PPM1L: variants seen among roughly 807,000 people sequenced by gnomAD.
PPM1L encodes the protein protein phosphatase 1L.
Under a neutral mutation model 31.4 loss-of-function variants are expected in PPM1L, and 13 were observed. The observed-to-expected ratio is 0.41, with a 90% CI of 0.27 to 0.66. PPM1L has a LOEUF of 0.66. PPM1L is among the 30% of genes least tolerant of loss of function. The pLI is 0.29. For synonymous variants in PPM1L, 184 were observed against 175.4 expected (o/e 1.05, Z -0.39); for missense variants, 326 against 453.7 (o/e 0.72, Z 2.56).
chr3:160,958,609 A>G (rs1255568159), intron 1 of PPM1L, among the ~76,000 whole-genome samples: 2 of 152,208 alleles, frequency 1.3e-5, no homozygotes, highest in Non-Finnish European at 2.9e-5. Context: ...ACAATTATAT[A>G]TGTTGCACAA....
intron 1 of PPM1L, among the ~76,000 whole-genome samples, chr3:160,798,958 A>G (rs1023274990): frequency 6.6e-6 from 1 of 152,200 alleles, no homozygotes; most frequent in Non-Finnish European, 1.5e-5. Context: ...GTTGATTCCA[A>G]CCTTCATGGA....
chr3:160,834,864 G>A lies in PPM1L; in HGVS notation c.399+78157G>A, dbSNP rs376228197. ...ACATTTGGGATATTTCTAGTGTTGG[G>A]TTATTATGAATAATGCTGTCATGAA... is the stretch of plus-strand genomic sequence containing the variant. On this transcript the variant is annotated intron_variant, in intron 1 of 3. Transcript: ENST00000498165. Among the ~76,000 whole-genome samples, 37 of 152,152 alleles carry A rather than the reference G, an allele frequency of 2.4e-4. No homozygotes were observed. In the South Asian group the frequency reaches 4.6e-3, roughly 19 times the overall value.
intron 2 of PPM1L, among the ~76,000 whole-genome samples, chr3:160,975,710 G>T (rs376775135): frequency 0.072 from 10,978 of 152,046 alleles, 586 homozygotes; most frequent in African/African-American, 0.13. Flanking sequence ...TTGTGATTTT[G>T]GTACATTGAT....
At chr3:160,843,321 A>G (rs1026787798) in intron 1 of PPM1L, among the ~76,000 whole-genome samples, 2 of 150,328 alleles carry the variant, frequency 1.3e-5, no homozygotes, top group South Asian at 2.1e-4. Flanking sequence ...CCCGCGGTCC[A>G]TGTGCCATAT....
chr3:160,968,761 A>G lies in PPM1L; in HGVS notation c.574+6851A>G, dbSNP rs879860276. 2.6e-4 allele frequency among the ~76,000 whole-genome samples: 39 copies of G among 152,216 alleles called. 1 individual carries two copies. Among genetic ancestry groups the G allele is most frequent in the Admixed American group, 7.9e-4 (12 of 15,278 alleles). ...AGCGGAAGTCTGGAAACAGGAGTGA[A>G]GAGCTGCATATTTTTCCCTTTGGGA... On this transcript the variant is annotated intron_variant, in intron 2 of 3. Coordinates refer to ENST00000498165, the MANE Select transcript of PPM1L (RefSeq NM_139245.4).
intron 1 of PPM1L, among the ~76,000 whole-genome samples, chr3:160,885,570 G>A (rs549118676): frequency 2.0e-5 from 3 of 152,320 alleles, no homozygotes; most frequent in South Asian, 2.1e-4. Flanking sequence ...CATGATCCAC[G>A]AAGAGGAGGG....
intron 1 of PPM1L, among the ~76,000 whole-genome samples, chr3:160,829,663 C>T (rs565181111): frequency 4.7e-4 from 72 of 152,268 alleles, no homozygotes; most frequent in African/African-American, 1.7e-3. Flanking sequence ...TCTCATCCTG[C>T]AGGTAGACAG....
At chr3:160,866,965 T>A (rs973631121) in intron 1 of PPM1L, among the ~76,000 whole-genome samples, 2 of 152,138 alleles carry the variant, frequency 1.3e-5, no homozygotes, top group African/African-American at 4.8e-5. Context: ...CCTCAGCCTC[T>A]TGAGTAGTTG....
intron 1 of PPM1L, among the ~76,000 whole-genome samples, chr3:160,860,546 C>T (rs1177973911): frequency 9.2e-5 from 14 of 152,172 alleles, no homozygotes; most frequent in Admixed American, 5.9e-4. Flanking sequence ...CAGCTGGCAT[C>T]ATTGCACAGG....
chr3:160,801,340 A>G (rs1470402027), intron 1 of PPM1L, among the ~76,000 whole-genome samples: 1 of 152,216 alleles, frequency 6.6e-6, no homozygotes, highest in African/African-American at 2.4e-5. Flanking sequence ...TTTGCTTTGA[A>G]GGACATTTTG....
chr3:161,019,732 A>G (rs1346539430), intron 2 of PPM1L, among the ~76,000 whole-genome samples: 2 of 152,208 alleles, frequency 1.3e-5, no homozygotes, highest in African/African-American at 4.8e-5. Flanking sequence ...CATTTACTGC[A>G]TGATATATGT....
intron 1 of PPM1L, among the ~76,000 whole-genome samples, chr3:160,771,372 A>G (rs1375383169): frequency 6.6e-6 from 1 of 151,378 alleles, no homozygotes; most frequent in Non-Finnish European, 1.5e-5. Context: ...TCCTCCCACC[A>G]CAGCCTCCTG....
intron 1 of PPM1L, among the ~76,000 whole-genome samples, chr3:160,955,517 A>G (rs1301019040): frequency 3.3e-5 from 5 of 151,884 alleles, no homozygotes; most frequent in African/African-American, 9.7e-5. Flanking sequence ...TTTTTCTAGT[A>G]TTTCATGTGT....
At position 160,756,374 on chromosome 3, in the gene PPM1L, A is replaced by G; in HGVS notation, c.66A>G (p.Arg22=). Residue 22 remains arginine (R), a synonymous_variant, in exon 1 of 4, where the codon AGA becomes AGG. Coordinates refer to ENST00000498165, the MANE Select transcript of PPM1L (RefSeq NM_139245.4). The surrounding 1 kb of genome is among the most constrained non-coding windows in gnomAD (Gnocchi z 6.2). ...LGRIMRYFLL[R]PETLFLLCIS... ...GCATCATGCGCTACTTCTTGCTGAG[A>G]CCCGAGACGCTTTTCCTGCTGTGCA... 6.2e-7 allele frequency: 1 copy of G among 1,614,080 alleles called. No individual in the cohort carries two copies. The highest frequency in any genetic ancestry group is 8.5e-7 in the Non-Finnish European group (1 of 1,180,012).
At chr3:160,856,047 G>A (rs1711691632) in intron 1 of PPM1L, among the ~76,000 whole-genome samples, 1 of 151,982 alleles carries the variant, frequency 6.6e-6, no homozygotes, top group Non-Finnish European at 1.5e-5. Context: ...ATGTGTGAGG[G>A]CAGGAAGCAT....
rs550583656 is a variant in PPM1L, at chr3:161,078,806, A to C, written c.*9649A>C. 4 of 152,292 alleles carry C rather than the reference A, an allele frequency of 2.6e-5. No homozygotes were observed. The highest frequency in any genetic ancestry group is 2.1e-4 in the South Asian group (1 of 4,822). The allele number at this position is 152,292 out of a possible 1,614,324, so 9.4% of individuals were successfully genotyped here. On this transcript the variant is annotated 3_prime_UTR_variant, in exon 4 of 4. Transcript: ENST00000498165. The stretch of plus-strand genomic sequence containing the variant: ...TTGTAGAGACTAATGTGTTCATGCT[A>C]TCTCTGATCCTGTGGTGTTGTATAA...
chr3:161,067,778 A>G (rs1164712537), intron 3 of PPM1L, among the ~76,000 whole-genome samples: 1 of 152,132 alleles, frequency 6.6e-6, no homozygotes, highest in Non-Finnish European at 1.5e-5. Flanking sequence ...ATGTCCTCCT[A>G]CATATCCTGC....
rs75599237 is a variant in PPM1L, at chr3:160,973,764, G to GTTTTTTTTTTTTTTTTTT, written c.574+11866_574+11883dup. On this transcript the variant is annotated intron_variant, in intron 2 of 3. Coordinates refer to ENST00000498165, the MANE Select transcript of PPM1L (RefSeq NM_139245.4). Reference sequence around the variant, plus strand: ...GGTAAATTGCCTTCTGAAAGGCCCTGTTTTTTTTTTTTTTTTTTTTTTTTT... The same window carrying GTTTTTTTTTTTTTTTTTT: ...GGTAAATTGCCTTCTGAAAGGCCCTGTTTTTTTTTTTTTTTTTTTTTTTTTTTTTTTTTTTTTTTTTTT... Among the ~76,000 whole-genome samples, 33 of 88,458 alleles carry GTTTTTTTTTTTTTTTTTT rather than the reference G, an allele frequency of 3.7e-4. 1 individual carries two copies. The highest frequency in any genetic ancestry group is 5.6e-4 in the Non-Finnish European group (22 of 39,148). The allele number at this position is 88,458 out of a possible 152,430, so 58.0% of individuals were successfully genotyped here.
intron 2 of PPM1L, among the ~76,000 whole-genome samples, chr3:160,962,137 A>AT (rs955201478): frequency 3.3e-5 from 5 of 151,858 alleles, no homozygotes; most frequent in Admixed American, 1.3e-4. Context: ...TTTTATTGGG[A>AT]TTTTTTTGGC....
Sources: allele counts gnomAD v4.1 joint callset (sites outside exome capture counted in the v4.1 genomes callset), GRCh38; gene constraint gnomAD v4.1.1; non-coding constraint Gnocchi (gnomAD v3.1); transcripts MANE v1.5; gene names NCBI Gene and HGNC (gene_info 2026-07-23, HGNC 2026-07-21).